The following ODAPH variants were observed in gnomAD, a reference collection of about 807,000 sequenced individuals.
ODAPH encodes amelogenesis imperfecta type IIA4.
In ODAPH, 2 loss-of-function variants were observed where a neutral mutation model predicts 2.8. That is an observed-to-expected ratio of 0.72 (90% confidence interval 0.30 to 2.28). The LOEUF is 2.28. ODAPH is among the 30% of genes most tolerant of loss of function. ODAPH has a pLI of 0.13. For synonymous variants in ODAPH, 75 were observed against 60.3 expected, an observed-to-expected ratio of 1.24 and a Z score of -1.13; for missense variants, 159 against 163.3, an observed-to-expected ratio of 0.97 and a Z score of 0.14.
rs762041177 is a variant in ODAPH at position 75,564,203 on chromosome 4, GC to G, written c.161del (p.Pro54ArgfsTer109). ...CQIFTLTPPP[A>X]PRSPVTRAQP... Reference sequence around the variant, plus strand: ...GATCTTTACACTCACCCCTCCACCTGCCCCGAGGAGTCCGGTCACAAGGGCC... The same window carrying G: ...GATCTTTACACTCACCCCTCCACCTGCCCGAGGAGTCCGGTCACAAGGGCC... On this transcript the variant is annotated frameshift_variant, in exon 2 of 2. Transcript: ENST00000311623. LOFTEE classifies it low-confidence loss of function (END_TRUNC). 1.2e-6 allele frequency: 2 copies of G among 1,614,146 alleles called. No individual in the cohort carries two copies. The highest frequency in any genetic ancestry group is 1.7e-5 in the Admixed American group (1 of 60,012).
intron 1 of ODAPH, 38 bp downstream of exon 1, chr4:75,556,187 A>ATT: frequency 6.3e-7 from 1 of 1,591,626 alleles, no homozygotes; most frequent in African/African-American, 1.3e-5. Flanking sequence ...GGGTCCACTA[A>ATT]TTAATAAGTT....
intron 1 of ODAPH, among the ~76,000 whole-genome samples, chr4:75,562,483 G>T (rs1727620732): frequency 6.6e-6 from 1 of 151,936 alleles, no homozygotes; most frequent in African/African-American, 2.4e-5. Flanking sequence ...GGGATTACAG[G>T]CATGCACCAC....
At chr4:75,560,217 G>A (rs1337685176) in intron 1 of ODAPH, among the ~76,000 whole-genome samples, 1 of 152,184 alleles carries the variant, frequency 6.6e-6, no homozygotes, top group Non-Finnish European at 1.5e-5. Flanking sequence ...AACCAAAGAA[G>A]TTCATGGCAG....
At chr4:75,557,414 C>T (rs557238294) in intron 1 of ODAPH, among the ~76,000 whole-genome samples, 1 of 152,248 alleles carries the variant, frequency 6.6e-6, no homozygotes, top group Admixed American at 6.5e-5. Flanking sequence ...CCGAGGTGGG[C>T]AGATCACCTG....
At chr4:75,557,072 T>C (rs1727363996) in intron 1 of ODAPH, among the ~76,000 whole-genome samples, 1 of 151,984 alleles carries the variant, frequency 6.6e-6, no homozygotes, top group South Asian at 2.1e-4. Flanking sequence ...GAGCTGGTTG[T>C]GGAACACTCA....
At chr4:75,556,352 T>C (rs888916309) in intron 1 of ODAPH, among the ~76,000 whole-genome samples, 15 of 152,234 alleles carry the variant, frequency 9.9e-5, no homozygotes, top group Admixed American at 1.3e-4. Context: ...TCTGTGACTT[T>C]AGACACACTT....
At chr4:75,556,246 G>T in intron 1 of ODAPH, 97 bp downstream of exon 1, 1 of 1,231,180 alleles carries the variant, frequency 8.1e-7, no homozygotes, top group Non-Finnish European at 1.2e-6. Context: ...CCATAAATTG[G>T]AAATATTTAC....
rs553369660 is a variant in ODAPH at position 75,556,759 on chromosome 4, T to C, written c.67+610T>C. Among the ~76,000 whole-genome samples, 9 of 152,230 alleles carry C rather than the reference T, an allele frequency of 5.9e-5. No individual in the cohort carries two copies. The South Asian group carries it at 1.7e-3, about 28-fold the overall frequency. ...ACAAAATGTGTCCTGAGCCTTACAA[T>C]TGGTTTGCAAACCCCTAGGAAAAGG... On this transcript the variant is annotated intron_variant, in intron 1 of 1. Transcript: ENST00000311623.
rs375646989 is a variant in ODAPH, at chr4:75,559,617, G to C, written c.67+3468G>C. Among the ~76,000 whole-genome samples the C allele has an allele frequency of 3.9e-5, 6 of 152,252 alleles. No homozygotes were observed. In the South Asian group the frequency reaches 6.2e-4, roughly 16 times the overall value. ...TACATTTAAATATTTGACCTACTTT[G>C]GTCTTATTAAGCTTGCAGAAGAGCT... On this transcript the variant is annotated intron_variant, in intron 1 of 1. Coordinates refer to ENST00000311623, the MANE Select transcript of ODAPH (RefSeq NM_178497.5).
In ODAPH at chr4:75,564,355, A is replaced by T; in HGVS notation, c.309A>T (p.Pro103=). The change falls in exon 2 of 2, where the codon CCA becomes CCT. Residue 103 remains proline, a synonymous_variant. Transcript: ENST00000311623. ...GTAACCACCGTTTTCCATTCCAGCC[A>T]TTTTATTGGCCACACCGTTACCTTA... ...SRCNHRFPFQ[P]FYWPHRYLTY... The T allele has an allele frequency of 6.2e-7, 1 of 1,614,126 alleles. No homozygotes were observed. Among genetic ancestry groups the T allele is most frequent in the South Asian group, 1.1e-5 (1 of 91,078 alleles).
intron 1 of ODAPH, among the ~76,000 whole-genome samples, chr4:75,559,790 AATTGTAC>A (rs1382526922): frequency 3.9e-5 from 6 of 152,212 alleles, no homozygotes; most frequent in Non-Finnish European, 7.3e-5. Context: ...CAATCAATTC[AATTGTAC>A]TGGAGGCACC....
At chr4:75,561,223 C>CAAAAAACAAAAAAAA (rs760206306) in intron 1 of ODAPH, among the ~76,000 whole-genome samples, 32 of 62,682 alleles carry the variant, frequency 5.1e-4, no homozygotes, top group African/African-American at 1.8e-3. Flanking sequence ...AACTCAATCT[C>CAAAAAACAAAAAAAA]AAAAAAAAAA....
At chr4:75,558,500 T>C (rs920058090) in intron 1 of ODAPH, among the ~76,000 whole-genome samples, 49 of 143,856 alleles carry the variant, frequency 3.4e-4, no homozygotes, top group Middle Eastern at 3.5e-3. Flanking sequence ...AACCACAGAG[T>C]ATAGGTAATT....
At chr4:75,556,957 T>G (rs11734102) in intron 1 of ODAPH, among the ~76,000 whole-genome samples, 31,948 of 151,974 alleles carry the variant, frequency 0.21, 3,501 homozygotes, top group Middle Eastern at 0.38. Context: ...ATGTCTTGGG[T>G]AGGGGGCTTT....
At chr4:75,556,192 T>C (rs1727332714) in intron 1 of ODAPH, 43 bp downstream of exon 1, 1 of 1,584,140 alleles carries the variant, frequency 6.3e-7, no homozygotes. Context: ...CACTAATTAA[T>C]AAGTTGTAGG....
rs567337670 is a variant in ODAPH, at chr4:75,561,245, C to T, written c.68-2869C>T. Among the ~76,000 whole-genome samples, 11 of 93,178 alleles carry T rather than the reference C, an allele frequency of 1.2e-4. No individual in the cohort carries two copies. In the East Asian group the frequency reaches 1.8e-3, roughly 15 times the overall value. The allele number at this position is 93,178 out of a possible 152,430, so 61.1% of individuals were successfully genotyped here. ...TCTCAAAAAAAAAAAAAAAAAAAAACGAGACTAGCTTCTCTCCTAGCGACT... is the reference window on the plus strand; with the variant it reads ...TCTCAAAAAAAAAAAAAAAAAAAAATGAGACTAGCTTCTCTCCTAGCGACT... On this transcript the variant is annotated intron_variant, in intron 1 of 1. Coordinates refer to ENST00000311623, the MANE Select transcript of ODAPH (RefSeq NM_178497.5).
At chr4:75,559,242 A>G (rs1428037253) in intron 1 of ODAPH, among the ~76,000 whole-genome samples, 1 of 152,228 alleles carries the variant, frequency 6.6e-6, no homozygotes, top group Non-Finnish European at 1.5e-5. Flanking sequence ...CAGTAGCCCT[A>G]TCTTTAATGC....
At chr4:75,562,302 T>C (rs1389865263) in intron 1 of ODAPH, among the ~76,000 whole-genome samples, 3 of 151,590 alleles carry the variant, frequency 2.0e-5, no homozygotes, top group African/African-American at 4.8e-5. Flanking sequence ...TAGTCCTTTA[T>C]AAGTGCCTCA....
intron 1 of ODAPH, among the ~76,000 whole-genome samples, chr4:75,563,039 T>TC: frequency 5.9e-5 from 5 of 84,592 alleles, no homozygotes; most frequent in Non-Finnish European, 8.8e-5. Flanking sequence ...TTTTTTTTTT[T>TC]TTTGAGACAG....
Sources: gnomAD v4.1 joint callset for allele counts (sites outside exome capture counted in the v4.1 genomes callset) on GRCh38, gnomAD v4.1.1 for gene constraint, MANE v1.5 for transcripts, NCBI Gene and HGNC (gene_info 2026-07-23, HGNC 2026-07-21) for gene names.